STX8: variants seen among roughly 807,000 people sequenced by gnomAD.
STX8 encodes the protein syntaxin-8.
In STX8, 23 loss-of-function variants were observed where a neutral mutation model predicts 37.5. That is an observed-to-expected ratio of 0.61 (90% CI 0.44 to 0.87). STX8 has a LOEUF of 0.87. STX8 is among the 40% of genes least tolerant of loss of function. The pLI, the probability that STX8 is intolerant of heterozygous loss-of-function variation, is 0.00. For synonymous variants in STX8, 115 were observed against 99.1 expected (o/e 1.16, Z -0.95); for missense variants, 313 against 284.7 (o/e 1.10, Z -0.71).
chr17:9,508,254 G>A (rs1455260544), intron 4 of STX8, among the ~76,000 whole-genome samples: 3 of 152,316 alleles, frequency 2.0e-5, no homozygotes, highest in South Asian at 2.1e-4. Flanking sequence ...GTATCCTGGA[G>A]TGGAAGAATT....
chr17:9,371,399 CT>C (rs1211154274), intron 7 of STX8, among the ~76,000 whole-genome samples: 1 of 152,156 alleles, frequency 6.6e-6, no homozygotes, highest in East Asian at 1.9e-4. Flanking sequence ...TTCCCACCCC[CT>C]ATAGTTAAAG....
At chr17:9,555,957 T>C (rs1204181243) in intron 3 of STX8, among the ~76,000 whole-genome samples, 1 of 152,004 alleles carries the variant, frequency 6.6e-6, no homozygotes, top group Non-Finnish European at 1.5e-5. Context: ...GACTTGTTGA[T>C]TTGGGTAAAA....
intron 6 of STX8, among the ~76,000 whole-genome samples, chr17:9,441,242 A>G (rs1028574529): frequency 6.6e-6 from 1 of 152,122 alleles, no homozygotes; most frequent in Admixed American, 6.5e-5. Context: ...CTGTAATCCC[A>G]GCACTTTGGG....
intron 7 of STX8, among the ~76,000 whole-genome samples, chr17:9,274,286 CAGCTT>C (rs1180465407): frequency 6.6e-6 from 1 of 152,074 alleles, no homozygotes; most frequent in Non-Finnish European, 1.5e-5. Context: ...ATTTGATCAT[CAGCTT>C]GGCTTTGTTC....
At chr17:9,393,174 CA>C (rs1462993408) in intron 6 of STX8, among the ~76,000 whole-genome samples, 1 of 152,084 alleles carries the variant, frequency 6.6e-6, no homozygotes, top group Non-Finnish European at 1.5e-5. Flanking sequence ...CATCAAAAAT[CA>C]GAGGCCAGAA....
At chr17:9,349,779 C>T (rs1034685542) in intron 7 of STX8, among the ~76,000 whole-genome samples, 1 of 152,100 alleles carries the variant, frequency 6.6e-6, no homozygotes, top group Non-Finnish European at 1.5e-5. Flanking sequence ...TGTACTCCTC[C>T]TCCTTCTTGT....
chr17:9,444,975 C>T (rs1415088911), intron 6 of STX8, among the ~76,000 whole-genome samples: 4 of 152,152 alleles, frequency 2.6e-5, no homozygotes, highest in African/African-American at 4.8e-5. Flanking sequence ...GTCATTCCAC[C>T]GTAGGTTCAC....
At chr17:9,540,970 C>A (rs968950034) in intron 4 of STX8, among the ~76,000 whole-genome samples, 1 of 152,176 alleles carries the variant, frequency 6.6e-6, no homozygotes, top group South Asian at 2.1e-4. Flanking sequence ...CAACAAGCAA[C>A]AGCTTTAGTC....
At chr17:9,281,788 G>T (rs978792737) in intron 7 of STX8, among the ~76,000 whole-genome samples, 1 of 152,198 alleles carries the variant, frequency 6.6e-6, no homozygotes, top group African/African-American at 2.4e-5. Flanking sequence ...ACAAAAATCA[G>T]CCAGGTGTGG....
chr17:9,309,903 A>G (rs777991556), intron 7 of STX8, among the ~76,000 whole-genome samples: 6 of 152,174 alleles, frequency 3.9e-5, no homozygotes, highest in Non-Finnish European at 8.8e-5. Flanking sequence ...ACCATTTCAT[A>G]TTTGATTAAC....
intron 4 of STX8, among the ~76,000 whole-genome samples, chr17:9,522,204 C>T (rs1805579300): frequency 6.6e-6 from 1 of 151,962 alleles, no homozygotes; most frequent in African/African-American, 2.4e-5. Context: ...GGGTGATACA[C>T]AAAAAACAAG....
intron 7 of STX8, among the ~76,000 whole-genome samples, chr17:9,373,938 T>TAAAA (rs76173982): frequency 5.7e-5 from 6 of 105,332 alleles, no homozygotes; most frequent in African/African-American, 1.9e-4. Context: ...GAACTCTATC[T>TAAAA]AAAAAAAAAA....
chr17:9,559,780 T>TTTTTTTA (rs1663311324), intron 2 of STX8, among the ~76,000 whole-genome samples: 2 of 129,580 alleles, frequency 1.5e-5, no homozygotes, highest in South Asian at 2.5e-4. Context: ...TTTTTTTTTT[T>TTTTTTTA]GAGACAGAGT....
chr17:9,288,585 C>T (rs1053013605), intron 7 of STX8, among the ~76,000 whole-genome samples: 1 of 152,026 alleles, frequency 6.6e-6, no homozygotes, highest in African/African-American at 2.4e-5. Context: ...TGCCGTGAAC[C>T]CGGGAGGTGG....
intron 7 of STX8, among the ~76,000 whole-genome samples, chr17:9,330,764 T>G (rs907726254): frequency 2.6e-5 from 4 of 152,196 alleles, no homozygotes; most frequent in African/African-American, 9.7e-5. Flanking sequence ...CTTTCCAGGC[T>G]GAGCCCCTAT....
intron 6 of STX8, among the ~76,000 whole-genome samples, chr17:9,458,445 T>A (rs1054735700): frequency 3.3e-5 from 5 of 152,138 alleles, no homozygotes; most frequent in Non-Finnish European, 7.4e-5. Context: ...CACCGTGCCC[T>A]GCCAATATGC....
intron 7 of STX8, among the ~76,000 whole-genome samples, chr17:9,318,701 T>G (rs1909468768): frequency 1.3e-5 from 2 of 152,236 alleles, no homozygotes; most frequent in Non-Finnish European, 2.9e-5. Context: ...TTTAGAATTC[T>G]ATACCCAGTA....
chr17:9,263,427 C>T (rs745353588), intron 7 of STX8, among the ~76,000 whole-genome samples: 19 of 147,912 alleles, frequency 1.3e-4, no homozygotes, highest in South Asian at 6.5e-4. Context: ...TGCAGTGAGC[C>T]GAGATCGCGC....
chr17:9,327,537 G>C (rs1909819499), intron 7 of STX8, among the ~76,000 whole-genome samples: 1 of 152,140 alleles, frequency 6.6e-6, no homozygotes, highest in Non-Finnish European at 1.5e-5. Flanking sequence ...TGGACAGAGA[G>C]GGGAAGCACA....
Sources: gnomAD v4.1 joint callset for allele counts (sites outside exome capture counted in the v4.1 genomes callset) on GRCh38, gnomAD v4.1.1 for gene constraint, MANE v1.5 for transcripts, NCBI Gene and HGNC (gene_info 2026-07-23, HGNC 2026-07-21) for gene names.